The following EPC1 variants were observed in gnomAD, a reference collection of about 807,000 sequenced individuals.
EPC1 encodes the protein enhancer of polycomb 1, also known as enhancer of polycomb homolog 1.
EPC1 carries 12 observed loss-of-function variants against 98.4 expected under a neutral mutation model. The observed-to-expected ratio is 0.12, with a 90% CI of 0.08 to 0.20. The LOEUF (loss-of-function observed/expected upper bound fraction) is 0.20. Among genes scored for constraint, EPC1 ranks in the 10% least tolerant of loss-of-function variants. The probability of loss-of-function intolerance (pLI) is 1.00; values close to 1 mark genes in which losing one functional copy is unlikely to be tolerated. For missense variants in EPC1, 729 were observed against 990.5 expected (o/e 0.74, Z 3.54); for synonymous variants, 357 against 363.9 (o/e 0.98, Z 0.21).
At chr10:32,364,416 A>G (rs1839539286) in intron 1 of EPC1, among the ~76,000 whole-genome samples, 1 of 152,172 alleles carries the variant, frequency 6.6e-6, no homozygotes, top group Admixed American at 6.5e-5. Flanking sequence ...AGAGTCATCA[A>G]TGAATTAAAA....
intron 1 of EPC1, among the ~76,000 whole-genome samples, chr10:32,334,211 C>T (rs1195062921): frequency 2.0e-5 from 3 of 152,180 alleles, no homozygotes; most frequent in Non-Finnish European, 4.4e-5. Context: ...ACCCGCCCCC[C>T]GCTTTGATAG....
chr10:32,315,692 C>T (rs985157508), intron 1 of EPC1, among the ~76,000 whole-genome samples: 4 of 152,152 alleles, frequency 2.6e-5, no homozygotes, highest in African/African-American at 9.7e-5. Context: ...TTCTAAGAAC[C>T]CAAACAAGTA....
intron 10 of EPC1, among the ~76,000 whole-genome samples, chr10:32,276,327 A>G (rs1339128439): frequency 6.6e-6 from 1 of 152,196 alleles, no homozygotes; most frequent in Non-Finnish European, 1.5e-5. Context: ...CCTGACCAAC[A>G]TGGTGAAACC....
chr10:32,376,214 G>C (rs1839868440), intron 1 of EPC1, among the ~76,000 whole-genome samples: 1 of 151,950 alleles, frequency 6.6e-6, no homozygotes, highest in Non-Finnish European at 1.5e-5. Flanking sequence ...AATGATGTAG[G>C]AGAACAAAGA....
At chr10:32,270,527 A>C (rs1021369691) in intron 13 of EPC1, among the ~76,000 whole-genome samples, 4 of 152,160 alleles carry the variant, frequency 2.6e-5, no homozygotes, top group Admixed American at 1.3e-4. Flanking sequence ...TCTTTACATT[A>C]ATAAGAATAG....
chr10:32,365,528 T>G (rs960049220), intron 1 of EPC1, among the ~76,000 whole-genome samples: 1 of 152,022 alleles, frequency 6.6e-6, no homozygotes. Context: ...GAAGAGTACA[T>G]TTAGGCCGGG....
chr10:32,292,772 A>G lies in EPC1; in HGVS notation c.667-128T>C, dbSNP rs577493106. ...TTAAAGACAATAAAAGGGAGCACAGATCACCAGGAAATCAATTTTGTATTG... is the reference window on the plus strand; with the variant it reads ...TTAAAGACAATAAAAGGGAGCACAGGTCACCAGGAAATCAATTTTGTATTG... On this transcript the variant is annotated intron_variant, in intron 4 of 13. Coordinates refer to ENST00000319778, the MANE Select transcript of EPC1 (RefSeq NM_001272004.3). 3.2e-5 allele frequency: 31 copies of G among 954,054 alleles called. No individual in the cohort carries two copies. In the African/African-American group the frequency reaches 5.2e-4, roughly 16 times the overall value. 59.1% of individuals were successfully genotyped at this position (954,054 alleles called of 1,614,324 possible).
chr10:32,371,348 T>G (rs1839742942), intron 1 of EPC1, among the ~76,000 whole-genome samples: 1 of 152,156 alleles, frequency 6.6e-6, no homozygotes, highest in Non-Finnish European at 1.5e-5. Flanking sequence ...CTCAGTCTCA[T>G]GGATACTATG....
At position 32,278,668 on chromosome 10, in the gene EPC1, C is replaced by A. The variant is rs569746774; in HGVS notation, c.1745-5387G>T. Among the ~76,000 whole-genome samples, 37 of 152,170 alleles carry A rather than the reference C, an allele frequency of 2.4e-4. No homozygotes were observed. The East Asian group carries it at 5.0e-3, about 21-fold the overall frequency. The stretch of plus-strand genomic sequence containing the variant: ...AAAAGTAACCCCAAATGCCTAAAGA[C>A]CCTGAATTAGAAATTTCTTTTAGTA... On this transcript the variant is annotated intron_variant, in intron 10 of 13. Transcript: ENST00000319778.
intron 1 of EPC1, among the ~76,000 whole-genome samples, chr10:32,366,263 C>T (rs1461902463): frequency 1.3e-5 from 2 of 152,134 alleles, no homozygotes; most frequent in African/African-American, 4.8e-5. Flanking sequence ...TGTGCAAAAG[C>T]ATTGTACTAT....
intron 10 of EPC1, 140 bp downstream of exon 10, chr10:32,284,554 ATACT>A (rs998929434): frequency 3.2e-6 from 2 of 631,602 alleles, no homozygotes; most frequent in African/African-American, 3.7e-5. Context: ...ATTCAAATAA[ATACT>A]TAGACCAAGA....
At chr10:32,343,002 A>C (rs1396262179) in intron 1 of EPC1, among the ~76,000 whole-genome samples, 1 of 152,208 alleles carries the variant, frequency 6.6e-6, no homozygotes, top group South Asian at 2.1e-4. Flanking sequence ...AAGATAATTA[A>C]ATTATAATCT....
At chr10:32,357,344 C>A (rs1024847570) in intron 1 of EPC1, among the ~76,000 whole-genome samples, 6 of 152,238 alleles carry the variant, frequency 3.9e-5, no homozygotes, top group African/African-American at 1.2e-4. Context: ...AAGACAGTTG[C>A]ACTGCAGCAG....
chr10:32,372,541 A>C lies in EPC1; in HGVS notation c.3+5950T>G, dbSNP rs1009271098. Among the ~76,000 whole-genome samples, 4 of 152,222 alleles carry C rather than the reference A, an allele frequency of 2.6e-5. No individual in the cohort carries two copies. The South Asian group carries it at 6.2e-4, about 24-fold the overall frequency. On this transcript the variant is annotated intron_variant, in intron 1 of 13. Coordinates refer to the EPC1 transcript ENST00000375110. ...AATTTGTCTGAAAGAATTTCATGAGATGTTCCTGAAGAGAGGAGGTAAAGT... is the reference window on the plus strand; with the variant it reads ...AATTTGTCTGAAAGAATTTCATGAGCTGTTCCTGAAGAGAGGAGGTAAAGT...
intron 1 of EPC1, among the ~76,000 whole-genome samples, chr10:32,321,518 A>G (rs1203802921): frequency 6.6e-6 from 1 of 152,092 alleles, no homozygotes; most frequent in Non-Finnish European, 1.5e-5. Context: ...CACCCCGCTT[A>G]GATCCATTTA....
chr10:32,320,047 T>A (rs1489639055), intron 1 of EPC1, among the ~76,000 whole-genome samples: 1 of 152,108 alleles, frequency 6.6e-6, no homozygotes, highest in Non-Finnish European at 1.5e-5. Context: ...GGGAAAAACA[T>A]ATGTGTGTAC....
At chr10:32,310,560 G>GT (rs1303904383) in intron 1 of EPC1, among the ~76,000 whole-genome samples, 1 of 152,138 alleles carries the variant, frequency 6.6e-6, no homozygotes, top group Non-Finnish European at 1.5e-5. Context: ...AAAATTTTGT[G>GT]TATCAATATT....
chr10:32,355,252 A>G (rs547279856), intron 1 of EPC1, among the ~76,000 whole-genome samples: 78 of 152,328 alleles, frequency 5.1e-4, no homozygotes, highest in African/African-American at 1.8e-3. Context: ...TACTAGTTGC[A>G]GTTGGAGAAG....
intron 1 of EPC1, chr10:32,377,556 C>T (rs377685615): frequency 3.9e-5 from 6 of 152,122 alleles, no homozygotes; most frequent in African/African-American, 7.2e-5. Context: ...CTGGTTGTGA[C>T]GACATGTCTG....
Sources: allele counts gnomAD v4.1 joint callset (sites outside exome capture counted in the v4.1 genomes callset), GRCh38; gene constraint gnomAD v4.1.1; transcripts MANE v1.5; gene names NCBI Gene and HGNC (gene_info 2026-07-23, HGNC 2026-07-21).